PLEKHA6: variants seen among roughly 807,000 people sequenced by gnomAD.
PLEKHA6 encodes pleckstrin homology domain-containing family A member 6.
A neutral mutation model predicts 116.7 loss-of-function variants in PLEKHA6; 60 were observed. The observed-to-expected ratio is 0.51, with a 90% CI of 0.42 to 0.64. PLEKHA6 has a LOEUF of 0.64. Ranked by LOEUF, PLEKHA6 falls within the 30% of genes least tolerant of loss-of-function variation. The pLI is 0.00. For missense variants in PLEKHA6, 1,338 were observed against 1,422.7 expected, an observed-to-expected ratio of 0.94 and a Z score of 0.96; for synonymous variants, 489 against 556.1, an observed-to-expected ratio of 0.88 and a Z score of 1.70.
At chr1:204,358,055 C>CA (rs888794168) in intron 1 of PLEKHA6, among the ~76,000 whole-genome samples, 13 of 151,014 alleles carry the variant, frequency 8.6e-5, no homozygotes, top group Non-Finnish European at 1.6e-4. Context: ...CCTAGCCCAG[C>CA]AAAAAAAAAG....
chr1:204,366,498 C>T (rs1045019406), intron 3 of PLEKHA6, among the ~76,000 whole-genome samples: 2 of 152,214 alleles, frequency 1.3e-5, no homozygotes, highest in East Asian at 1.9e-4. Context: ...TGGTGGCTCA[C>T]GCCTGTAATC....
chr1:204,301,139 TA>T, intron 1 of PLEKHA6: 1 of 546,598 alleles, frequency 1.8e-6, no homozygotes, highest in Non-Finnish European at 2.3e-6. Flanking sequence ...TTTACCATTC[TA>T]AAATCCATAG....
Position 204,229,025 on chromosome 1 carries a change from T to G in PLEKHA6, c.2663A>C (p.His888Pro), listed in dbSNP as rs773428693. The G allele has an allele frequency of 9.3e-6, 15 of 1,614,172 alleles. No homozygotes were observed. Among genetic ancestry groups the G allele is most frequent in the Non-Finnish European group, 1.3e-5 (15 of 1,180,012 alleles). ...AALRAEEPGG[H>P]AYETPREEIA... ...TTCCTCCCGGGGTGTCTCGTAGGCATGCCCGCCAGGCTCCTCTGCCCGCAG... is the reference window on the plus strand; with the variant it reads ...TTCCTCCCGGGGTGTCTCGTAGGCAGGCCCGCCAGGCTCCTCTGCCCGCAG... The change falls in exon 19 of 23, where the codon CAT becomes CCT. Residue 888 changes from histidine (H) to proline (P), a missense_variant. His to Pro is a moderately conservative substitution (Grantham distance 77). Transcript: ENST00000272203.
At chr1:204,310,226 G>C (rs1444018206) in intron 1 of PLEKHA6, among the ~76,000 whole-genome samples, 1 of 152,084 alleles carries the variant, frequency 6.6e-6, no homozygotes, top group Non-Finnish European at 1.5e-5. Context: ...GATAGATCGA[G>C]AGAGAGACTT....
At chr1:204,233,187 C>CTTTTT (rs57991213) in intron 17 of PLEKHA6, among the ~76,000 whole-genome samples, 3 of 129,786 alleles carry the variant, frequency 2.3e-5, no homozygotes, top group Non-Finnish European at 3.2e-5. Flanking sequence ...TTTTCTTTTT[C>CTTTTT]TTTTTTTTTT....
chr1:204,358,396 C>T (rs1245849933), intron 1 of PLEKHA6, among the ~76,000 whole-genome samples: 2 of 152,140 alleles, frequency 1.3e-5, no homozygotes, highest in Admixed American at 6.5e-5. Flanking sequence ...TGCAGCTGCT[C>T]GGGGGTGAAA....
chr1:204,285,470 GTTGTTT>G (rs1237261264), intron 1 of PLEKHA6, among the ~76,000 whole-genome samples: 1 of 134,018 alleles, frequency 7.5e-6, no homozygotes, highest in Admixed American at 7.8e-5. Context: ...TTTTTTTTTG[GTTGTTT>G]TTGTTTTTGT....
rs567405935 is a variant in PLEKHA6 at position 204,329,521 on chromosome 1, T to C, written c.-95+30173A>G. 2.0e-5 allele frequency among the ~76,000 whole-genome samples: 3 copies of C among 152,340 alleles called. 1 individual carries two copies. The South Asian group carries it at 6.2e-4, about 32-fold the overall frequency. ...GATTAATGGAGCTAGGCAAAGATCA[T>C]CTAGGCTGCCAATATCACACAAAAA... On this transcript the variant is annotated intron_variant, in intron 1 of 22. Coordinates refer to ENST00000272203, the MANE Select transcript of PLEKHA6 (RefSeq NM_014935.5).
Position 204,259,748 on chromosome 1 carries a change from A to G in PLEKHA6, c.525-8T>C, listed in dbSNP as rs1303805293. On this transcript the variant is annotated splice_region_variant and splice_polypyrimidine_tract_variant and intron_variant, in intron 7 of 22. Transcript: ENST00000272203. The surrounding 1 kb of genome is among the most constrained non-coding windows in gnomAD (Gnocchi z 4.6). ...GAGTCTGGCTTCTCATGGCTGCAGG[A>G]TGCCAAGGGAGATGCTGTCAGTGAC... The G allele has an allele frequency of 1.9e-6, 3 of 1,601,358 alleles. No individual in the cohort carries two copies. Among genetic ancestry groups the G allele is most frequent in the Non-Finnish European group, 2.6e-6 (3 of 1,173,008 alleles).
chr1:204,300,058 A>G (rs1264357474), intron 1 of PLEKHA6, among the ~76,000 whole-genome samples: 1 of 152,128 alleles, frequency 6.6e-6, no homozygotes, highest in Non-Finnish European at 1.5e-5. Flanking sequence ...TAGAAGATAG[A>G]AGAGGGAGGT....
chr1:204,287,772 T>G (rs1446295614), intron 1 of PLEKHA6, among the ~76,000 whole-genome samples: 9 of 152,170 alleles, frequency 5.9e-5, no homozygotes, highest in Admixed American at 3.3e-4. Context: ...AGCGCCTCTC[T>G]GGAGACAATG....
chr1:204,266,468 C>T (rs1415766443), intron 5 of PLEKHA6, among the ~76,000 whole-genome samples: 2 of 152,220 alleles, frequency 1.3e-5, no homozygotes, highest in Non-Finnish European at 2.9e-5. Flanking sequence ...CCCACTCTGG[C>T]TCCACTGTGG....
upstream of PLEKHA6, among the ~76,000 whole-genome samples, chr1:204,364,225 T>C (rs1423641802): frequency 6.6e-6 from 1 of 152,184 alleles, no homozygotes. Context: ...CCAAATGTCA[T>C]AAACCTTTGT....
At chr1:204,278,459 G>A (rs1558126654) in intron 1 of PLEKHA6, among the ~76,000 whole-genome samples, 1 of 152,208 alleles carries the variant, frequency 6.6e-6, no homozygotes, top group Non-Finnish European at 1.5e-5. Flanking sequence ...ATCACAGTCT[G>A]TTGCTATGGC....
In PLEKHA6 at chr1:204,261,438, G is replaced by A. The variant is rs746129131; in HGVS notation, c.392C>T (p.Ala131Val). ...ACTGAAGAAGTAGGTGCGGACCCCG[G>A]CATGCTCAGCCTGTGGGGAGAGGCA... ...SRKHTFKAEH[A>V]GVRTYFFSAE... The change falls in exon 7 of 23, where the codon GCC becomes GTC. Residue 131 changes from alanine (A) to valine (V), a missense_variant. This residue lies in a region of PLEKHA6 where 140 missense variants were observed against 197.4 expected (regional missense o/e 0.71). Transcript: ENST00000272203. This position sits in a 1 kb window ranked among gnomAD's most constrained non-coding sequence, Gnocchi z 4.0. 2.9e-5 allele frequency: 46 copies of A among 1,610,176 alleles called. 1 individual carries two copies. In the South Asian group the frequency reaches 3.0e-4, roughly 10 times the overall value.
intron 1 of PLEKHA6, among the ~76,000 whole-genome samples, chr1:204,337,366 C>A (rs1672685530): frequency 6.6e-6 from 1 of 152,164 alleles, no homozygotes. Context: ...CTCTACCAAG[C>A]AAGCCCCTTC....
At chr1:204,286,059 C>T (rs1367861013) in intron 1 of PLEKHA6, among the ~76,000 whole-genome samples, 1 of 152,020 alleles carries the variant, frequency 6.6e-6, no homozygotes, top group Non-Finnish European at 1.5e-5. Context: ...TTCCCTGCAC[C>T]TCCCCTTCCC....
chr1:204,261,842 T>C lies in PLEKHA6; in HGVS notation c.382-394A>G, dbSNP rs1270650883. On this transcript the variant is annotated intron_variant, in intron 6 of 22. Coordinates refer to ENST00000272203, the MANE Select transcript of PLEKHA6 (RefSeq NM_014935.5). The surrounding 1 kb of genome is among the most constrained non-coding windows in gnomAD (Gnocchi z 4.0). ...AGAGGACCCCCTGAGCACATGCCAA[T>C]CTTAGCCCCAGCTTCACTGCTGAGA... is the stretch of plus-strand genomic sequence containing the variant. 11 of 323,794 alleles carry C rather than the reference T, an allele frequency of 3.4e-5. No individual in the cohort carries two copies. The highest frequency in any genetic ancestry group is 5.6e-5 in the Non-Finnish European group (10 of 178,080). The allele number at this position is 323,794 out of a possible 1,614,324, so 20.1% of individuals were successfully genotyped here.
intron 1 of PLEKHA6, among the ~76,000 whole-genome samples, chr1:204,295,998 G>A (rs1288268122): frequency 2.0e-5 from 3 of 152,192 alleles, no homozygotes; most frequent in South Asian, 2.1e-4. Context: ...CGGGGTGCAC[G>A]CACACAGAGG....
Sources: gnomAD v4.1 joint callset for allele counts (sites outside exome capture counted in the v4.1 genomes callset) on GRCh38, gnomAD v4.1.1 for gene constraint, gnomAD v4.1.1 regional missense constraint, Gnocchi (gnomAD v3.1) non-coding constraint, MANE v1.5 for transcripts, NCBI Gene and HGNC (gene_info 2026-07-23, HGNC 2026-07-21) for gene names.